The following TMPRSS11B variants were observed in gnomAD, a reference collection of about 807,000 sequenced individuals.
TMPRSS11B encodes transmembrane protease serine 11B.
A neutral mutation model predicts 44.7 loss-of-function variants in TMPRSS11B; 53 were observed. The observed-to-expected ratio is 1.19, with a 90% CI of 0.95 to 1.49. TMPRSS11B has a LOEUF of 1.49. Ranked by LOEUF, TMPRSS11B falls within the 40% of genes most tolerant of loss-of-function variation. The pLI, the probability that TMPRSS11B is intolerant of heterozygous loss-of-function variation, is 0.00. For synonymous variants in TMPRSS11B, 140 were observed against 159.2 expected, an observed-to-expected ratio of 0.88 and a Z score of 0.91; for missense variants, 526 against 494.8, an observed-to-expected ratio of 1.06 and a Z score of -0.60.
In TMPRSS11B at chr4:68,231,279, A is replaced by G. The variant is rs1560441301; in HGVS notation, c.610T>C (p.Trp204Arg). 2 of 1,613,894 alleles carry G rather than the reference A, an allele frequency of 1.2e-6. No individual in the cohort carries two copies. The highest frequency in any genetic ancestry group is 1.7e-6 in the Non-Finnish European group (2 of 1,179,974). Residue 204 changes from tryptophan (W) to arginine (R), a missense_variant, in exon 7 of 10, where the codon TGG becomes CGG. Coordinates refer to ENST00000332644, the MANE Select transcript of TMPRSS11B (RefSeq NM_182502.3). ...GAWPWQASMQ[W>R]KGRHYCGASL... ...GCTCCACAGTAGTGACGGCCTTTCC[A>G]TTGCATGCTGGCCTGCCATGGCCAT...
At chr4:68,242,279 ATATAT>A (rs1272536547) in intron 1 of TMPRSS11B, among the ~76,000 whole-genome samples, 25 of 77,714 alleles carry the variant, frequency 3.2e-4, no homozygotes, top group African/African-American at 1.3e-3. Context: ...ATAATATTAT[ATATAT>A]TATATTATAC....
chr4:68,242,276 T>A lies in TMPRSS11B; in HGVS notation c.9-472A>T, dbSNP rs1400616508. 1.0e-3 allele frequency among the ~76,000 whole-genome samples: 73 copies of A among 72,972 alleles called. 1 individual carries two copies. Among genetic ancestry groups the A allele is most frequent in the African/African-American group, 4.9e-3 (71 of 14,622 alleles). 47.9% of individuals were successfully genotyped at this position (72,972 alleles called of 152,430 possible). A position where few individuals can be genotyped will look rare whatever the true frequency, so the allele number is the denominator to read the frequency against. ...TATTATAATATATATAATATAATATTATATATATTATATTATACATAATAT... is the reference window on the plus strand; with the variant it reads ...TATTATAATATATATAATATAATATAATATATATTATATTATACATAATAT... On this transcript the variant is annotated intron_variant, in intron 1 of 9. Transcript: ENST00000332644.
In TMPRSS11B at chr4:68,231,404, G is replaced by A. The variant is rs772364784; in HGVS notation, c.509-24C>T. On this transcript the variant is annotated intron_variant, in intron 6 of 9. Transcript: ENST00000332644. ...ACCTAGAGAAAGGATTTATTTACAC[G>A]AGAGCAGGTATCTTTGATTACGCAT... is the stretch of plus-strand genomic sequence containing the variant. The A allele has an allele frequency of 1.4e-5, 22 of 1,579,892 alleles. 1 individual carries two copies. The highest frequency in any genetic ancestry group is 9.2e-5 in the South Asian group (8 of 86,874).
In TMPRSS11B at chr4:68,228,881, G is replaced by A; in HGVS notation, c.950C>T (p.Ser317Leu). Residue 317 changes from serine to leucine, a missense_variant, in exon 9 of 10, where the codon TCA becomes TTA. Transcript: ENST00000332644. ...TGWGTLYMNG[S>L]FPVILQEDFL... is the part of the protein sequence containing the mutation. ...GTCTTCTTGAAGTATCACTGGAAAT[G>A]AACCTAAAAGCAATAAGTGCTGCAT... 6.2e-7 allele frequency: 1 copy of A among 1,612,072 alleles called. No homozygotes were observed. The highest frequency in any genetic ancestry group is 8.5e-7 in the Non-Finnish European group (1 of 1,179,230).
chr4:68,234,289 T>A (rs1040748418), intron 5 of TMPRSS11B, among the ~76,000 whole-genome samples, 174 bp downstream of exon 5: 2 of 152,136 alleles, frequency 1.3e-5, no homozygotes, highest in Admixed American at 6.5e-5. Context: ...CTTCAGACAA[T>A]GATTCCATGG....
intron 1 of TMPRSS11B, among the ~76,000 whole-genome samples, chr4:68,242,224 AT>A (rs1560445353): frequency 5.8e-5 from 5 of 86,194 alleles, no homozygotes; most frequent in African/African-American, 2.9e-4. Context: ...ATAATATTAT[AT>A]TATATTATAT....
At chr4:68,236,370 T>TCCATTTATACCTCTGCCTCAA (rs1308449346) in intron 2 of TMPRSS11B, 104 bp from the exon 3 acceptor site, 183 of 707,550 alleles carry the variant, frequency 2.6e-4, no homozygotes, top group Non-Finnish European at 9.1e-5. Context: ...TTAGAAATAA[T>TCCATTTATACCTCTGCCTCAA]CCATTTATAC....
chr4:68,229,894 A>AC (rs1406726696), intron 7 of TMPRSS11B, among the ~76,000 whole-genome samples: 3 of 73,854 alleles, frequency 4.1e-5, no homozygotes, highest in Non-Finnish European at 1.1e-4. Context: ...TTCAATAGCT[A>AC]CTTTTTTTAC....
At chr4:68,240,424 T>C (rs1719792612) in intron 2 of TMPRSS11B, among the ~76,000 whole-genome samples, 1 of 152,176 alleles carries the variant, frequency 6.6e-6, no homozygotes, top group African/African-American at 2.4e-5. Flanking sequence ...TGGTTGACCA[T>C]GTAGAGTCAT....
intron 4 of TMPRSS11B, 121 bp downstream of exon 4, chr4:68,235,881 C>T: frequency 5.6e-5 from 28 of 504,198 alleles, no homozygotes; most frequent in South Asian, 4.2e-4. Context: ...TCTTTCTTTC[C>T]TTTCCTTTGT....
chr4:68,236,198 C>T lies in TMPRSS11B; in HGVS notation c.193G>A (p.Ala65Thr), dbSNP rs749287736. Residue 65 changes from alanine (A) to threonine (T), a missense_variant, in exon 3 of 10, where the codon GCA (alanine) becomes ACA (threonine). Ala to Thr is a moderately conservative substitution (Grantham distance 58, BLOSUM62 0). Coordinates refer to ENST00000332644, the MANE Select transcript of TMPRSS11B (RefSeq NM_182502.3). Reference protein sequence around the residue: ...GVTYNDNCENAASQASTNLSK... With the variant: ...GVTYNDNCENTASQASTNLSK... ...AGATTTGTGCTGGCTTGTGAAGCTG[C>T]GTTTTCACAATTATCATTGTATGTG... 56 of 1,612,214 alleles carry T rather than the reference C, an allele frequency of 3.5e-5. 1 individual carries two copies. In the South Asian group the frequency reaches 4.6e-4, roughly 13 times the overall value.
intron 2 of TMPRSS11B, among the ~76,000 whole-genome samples, chr4:68,237,884 G>A (rs9999743): frequency 0.43 from 65,308 of 151,756 alleles, 14,623 homozygotes; most frequent in South Asian, 0.63. Flanking sequence ...GGGCATGGTG[G>A]CACGTGCCTG....
intron 2 of TMPRSS11B, among the ~76,000 whole-genome samples, chr4:68,239,732 C>A (rs1430098960): frequency 2.6e-5 from 4 of 152,108 alleles, no homozygotes; most frequent in Admixed American, 6.6e-5. Flanking sequence ...TAGATTATAA[C>A]AATACCTATA....
chr4:68,245,483 C>CA, intron 1 of TMPRSS11B, 68 bp downstream of exon 1: 1 of 1,542,340 alleles, frequency 6.5e-7, no homozygotes, highest in Admixed American at 1.7e-5. Context: ...TAACAAAAAA[C>CA]TAGAACATAC....
chr4:68,234,773 C>T (rs866363879), intron 4 of TMPRSS11B, 150 bp from the exon 5 acceptor site: 2 of 810,972 alleles, frequency 2.5e-6, no homozygotes, highest in South Asian at 4.2e-5. Context: ...GTATAAAATT[C>T]AAAGATATCT....
chr4:68,240,309 T>C (rs1719789694), intron 2 of TMPRSS11B, among the ~76,000 whole-genome samples: 1 of 152,180 alleles, frequency 6.6e-6, no homozygotes, highest in Admixed American at 6.5e-5. Context: ...TCAAACAACA[T>C]TTACCACAGC....
Position 68,226,765 on chromosome 4 carries a change from T to A in TMPRSS11B, c.*1146A>T, listed in dbSNP as rs1719363106. On this transcript the variant is annotated 3_prime_UTR_variant, in exon 10 of 10. Transcript: ENST00000332644. ...TTTGTAGAGATTACAAAGTTAGCCA[T>A]CCATATGATTGCACTTTTACTATAA... 1 of 152,230 alleles carries A rather than the reference T, an allele frequency of 6.6e-6. No homozygotes were observed. Among genetic ancestry groups the A allele is most frequent in the African/African-American group, 2.4e-5 (1 of 41,460 alleles). 9.4% of individuals were successfully genotyped at this position (152,230 alleles called of 1,614,324 possible). A position where few individuals can be genotyped will look rare whatever the true frequency, so the allele number is the denominator to read the frequency against.
At chr4:68,242,399 ATG>A (rs1719886025) in intron 1 of TMPRSS11B, among the ~76,000 whole-genome samples, 1 of 92,112 alleles carries the variant, frequency 1.1e-5, no homozygotes, top group Non-Finnish European at 2.0e-5. Flanking sequence ...ATAATATATT[ATG>A]TATTATATTA....
intron 1 of TMPRSS11B, among the ~76,000 whole-genome samples, chr4:68,243,842 C>G (rs1296003128): frequency 6.6e-6 from 1 of 152,102 alleles, no homozygotes; most frequent in East Asian, 1.9e-4. Flanking sequence ...ATAATCACTG[C>G]TTTACCCAGC....
Sources: allele counts gnomAD v4.1 joint callset (sites outside exome capture counted in the v4.1 genomes callset), GRCh38; gene constraint gnomAD v4.1.1; transcripts MANE v1.5; gene names NCBI Gene and HGNC (gene_info 2026-07-23, HGNC 2026-07-21).